ATP8A2: variants seen among roughly 807,000 people sequenced by gnomAD.
ATP8A2 encodes the protein phospholipid-transporting ATPase IB.
In ATP8A2, 100 loss-of-function variants were observed where a neutral mutation model predicts 165.6. The observed-to-expected ratio is 0.60, with a 90% confidence interval of 0.51 to 0.71. The LOEUF is 0.71. Among genes scored for constraint, ATP8A2 ranks in the 30% least tolerant of loss-of-function variants. The pLI, the probability that ATP8A2 is intolerant of heterozygous loss-of-function variation, is 0.00. For synonymous variants in ATP8A2, 543 were observed against 548.8 expected (o/e 0.99, Z 0.15); for missense variants, 1,227 against 1,479.5 (o/e 0.83, Z 2.80).
At chr13:25,463,126 G>GT (rs386378533) in intron 1 of ATP8A2, among the ~76,000 whole-genome samples, 4,890 of 138,652 alleles carry the variant, frequency 0.035, 172 homozygotes, top group Non-Finnish European at 0.043. Flanking sequence ...TTTCTGAAGT[G>GT]TTTTTTTTTT....
intron 11 of ATP8A2, among the ~76,000 whole-genome samples, chr13:25,552,742 T>A (rs191752252): frequency 1.3e-5 from 2 of 152,100 alleles, no homozygotes; most frequent in African/African-American, 2.4e-5. Context: ...CAAAGTAATA[T>A]GTCAGGAAGA....
At chr13:25,676,433 A>C (rs945478582) in intron 24 of ATP8A2, among the ~76,000 whole-genome samples, 44 of 152,138 alleles carry the variant, frequency 2.9e-4, no homozygotes, top group Non-Finnish European at 4.6e-4. Flanking sequence ...TAACCAGGTC[A>C]TCTCAGGGGT....
At chr13:25,939,732 C>T (rs1013618525) in intron 33 of ATP8A2, among the ~76,000 whole-genome samples, 1 of 152,162 alleles carries the variant, frequency 6.6e-6, no homozygotes, top group Admixed American at 6.5e-5. Context: ...CATCCGATTC[C>T]CCGACTCACA....
chr13:25,955,756 CG>C (rs1307143802), intron 33 of ATP8A2, among the ~76,000 whole-genome samples: 7 of 152,132 alleles, frequency 4.6e-5, no homozygotes, highest in Non-Finnish European at 1.0e-4. Flanking sequence ...AAAAGAGGGA[CG>C]CCTCCCTAAA....
intron 33 of ATP8A2, among the ~76,000 whole-genome samples, chr13:25,944,030 ATAAT>A (rs987286100): frequency 3.5e-4 from 53 of 152,360 alleles, no homozygotes; most frequent in African/African-American, 1.2e-3. Context: ...ATATAGTAAA[ATAAT>A]TAATTTATGT....
intron 33 of ATP8A2, among the ~76,000 whole-genome samples, chr13:25,903,635 C>T (rs555970516): frequency 1.2e-4 from 19 of 152,276 alleles, no homozygotes; most frequent in Middle Eastern, 3.4e-3. Context: ...ACGGTGGTCT[C>T]GTTATTCAAC....
At chr13:25,403,035 C>T (rs1020555393) in intron 1 of ATP8A2, among the ~76,000 whole-genome samples, 7 of 152,172 alleles carry the variant, frequency 4.6e-5, no homozygotes, top group Non-Finnish European at 1.5e-5. Flanking sequence ...CACCAGTCCT[C>T]TCCATGAGAA....
chr13:25,667,927 G>A (rs1273074086), intron 24 of ATP8A2, among the ~76,000 whole-genome samples: 3 of 152,022 alleles, frequency 2.0e-5, no homozygotes, highest in Non-Finnish European at 2.9e-5. Flanking sequence ...AGCTTCAATA[G>A]CATATAAGAA....
chr13:25,419,939 A>G (rs1311364975), intron 1 of ATP8A2, among the ~76,000 whole-genome samples: 1 of 152,184 alleles, frequency 6.6e-6, no homozygotes, highest in Non-Finnish European at 1.5e-5. Context: ...TCTGCTGACA[A>G]TTGAAAGGAA....
chr13:25,952,866 A>G (rs1401174939), intron 33 of ATP8A2, among the ~76,000 whole-genome samples: 2 of 152,218 alleles, frequency 1.3e-5, no homozygotes, highest in African/African-American at 2.4e-5. Context: ...GTACATTGCC[A>G]TCCTTCCTAA....
intron 25 of ATP8A2, among the ~76,000 whole-genome samples, chr13:25,746,232 A>T (rs774930767): frequency 9.2e-5 from 14 of 151,900 alleles, no homozygotes; most frequent in South Asian, 2.1e-4. Context: ...CCCCCAAAAA[A>T]CTCCCAAACG....
intron 24 of ATP8A2, among the ~76,000 whole-genome samples, chr13:25,682,642 C>G (rs1189052629): frequency 6.6e-6 from 1 of 152,152 alleles, no homozygotes; most frequent in African/African-American, 2.4e-5. Flanking sequence ...GAGTTACAGC[C>G]CGAAGAATGT....
chr13:25,409,768 T>G (rs1476185106), intron 1 of ATP8A2, among the ~76,000 whole-genome samples: 1 of 152,170 alleles, frequency 6.6e-6, no homozygotes, highest in Non-Finnish European at 1.5e-5. Context: ...AATTTTGTAC[T>G]GCAATGACAC....
chr13:25,626,554 A>G (rs1025287416), intron 24 of ATP8A2, among the ~76,000 whole-genome samples: 1 of 152,170 alleles, frequency 6.6e-6, no homozygotes, highest in Non-Finnish European at 1.5e-5. Context: ...ACATATTTAC[A>G]TGATAGAAGT....
At chr13:25,587,081 AAAG>A (rs200565993) in intron 23 of ATP8A2, among the ~76,000 whole-genome samples, 1,816 of 152,326 alleles carry the variant, frequency 0.012, 22 homozygotes, top group Admixed American at 0.043. Flanking sequence ...TTGCGAGATT[AAAG>A]AAGTAGACCT....
intron 27 of ATP8A2, among the ~76,000 whole-genome samples, chr13:25,816,268 T>A (rs904389613): frequency 6.6e-6 from 1 of 152,240 alleles, no homozygotes; most frequent in Non-Finnish European, 1.5e-5. Flanking sequence ...TCTTAGGGAA[T>A]GTGTGCACAG....
chr13:25,867,747 GCTCCTAAAACAA>G (rs2138790369), intron 33 of ATP8A2, among the ~76,000 whole-genome samples: 1 of 152,228 alleles, frequency 6.6e-6, no homozygotes, highest in South Asian at 2.1e-4. Context: ...CAGCGAGTTT[GCTCCTAAAACAA>G]ATCCATGAAA....
At chr13:25,775,750 A>G (rs1254108632) in intron 27 of ATP8A2, among the ~76,000 whole-genome samples, 3 of 152,162 alleles carry the variant, frequency 2.0e-5, no homozygotes, top group Non-Finnish European at 4.4e-5. Context: ...AATGTTAATT[A>G]TGGTGTTTTA....
At position 25,941,274 on chromosome 13, in the gene ATP8A2, T is replaced by C. The variant is rs200791652; in HGVS notation, c.3184-20301T>C. ...CAGATCCTGTCTGCCCTTCAGTTGCTCTCATAGCTGCTGCCTTGGTGACTG... is the reference window on the plus strand; with the variant it reads ...CAGATCCTGTCTGCCCTTCAGTTGCCCTCATAGCTGCTGCCTTGGTGACTG... On this transcript the variant is annotated intron_variant, in intron 33 of 36. Transcript: ENST00000381655. Among the ~76,000 whole-genome samples, 3 of 152,252 alleles carry C rather than the reference T, an allele frequency of 2.0e-5. No homozygotes were observed. The East Asian group carries it at 5.8e-4, about 29-fold the overall frequency.
Sources: allele counts gnomAD v4.1 joint callset (sites outside exome capture counted in the v4.1 genomes callset), GRCh38; gene constraint gnomAD v4.1.1; transcripts MANE v1.5; gene names NCBI Gene and HGNC (gene_info 2026-07-23, HGNC 2026-07-21).